The following EXOSC10 variants were observed in gnomAD, a reference collection of about 807,000 sequenced individuals.
EXOSC10 encodes the protein exosome complex component 10.
In EXOSC10, 94 loss-of-function variants were observed where a neutral mutation model predicts 126.6. The observed-to-expected ratio is 0.74, with a 90% CI of 0.63 to 0.88. The LOEUF (loss-of-function observed/expected upper bound fraction) is 0.88. Ranked by LOEUF, EXOSC10 falls within the 40% of genes least tolerant of loss-of-function variation. EXOSC10 has a pLI of 0.00. For missense variants in EXOSC10, 1,041 were observed against 1,100.5 expected (o/e 0.95, Z 0.77); for synonymous variants, 395 against 400.8 (o/e 0.99, Z 0.17).
chr1:11,071,984 A>G, intron 20 of EXOSC10, 103 bp downstream of exon 20: 1 of 907,554 alleles, frequency 1.1e-6, no homozygotes, highest in Non-Finnish European at 1.7e-6. Flanking sequence ...GGGAAGCCCC[A>G]CAGGGGCTTC....
intron 9 of EXOSC10, among the ~76,000 whole-genome samples, chr1:11,085,833 G>A (rs934799415): frequency 7.2e-5 from 11 of 151,878 alleles, no homozygotes; most frequent in African/African-American, 2.7e-4. Context: ...AGCATGAAGC[G>A]TTGTTGAATT....
At chr1:11,083,107 C>A (rs1200391170) in intron 9 of EXOSC10, among the ~76,000 whole-genome samples, 3 of 152,142 alleles carry the variant, frequency 2.0e-5, no homozygotes, top group Non-Finnish European at 2.9e-5. Context: ...GCCACCACGC[C>A]CAGCTAAACT....
chr1:11,068,129 A>G (rs539039250), intron 23 of EXOSC10, 45 bp from the exon 24 acceptor site: 1 of 1,518,182 alleles, frequency 6.6e-7, no homozygotes, highest in Admixed American at 1.7e-5. Flanking sequence ...CACCTTGACC[A>G]CAAGATACAC....
intron 9 of EXOSC10, among the ~76,000 whole-genome samples, chr1:11,087,139 C>G (rs1570835661): frequency 6.6e-6 from 1 of 152,268 alleles, no homozygotes; most frequent in East Asian, 1.9e-4. Flanking sequence ...TGTTATCAAC[C>G]AATGAGACAC....
In EXOSC10 at chr1:11,087,912, T is replaced by C. The variant is rs1640588076; in HGVS notation, c.835-2A>G. Reference sequence around the variant, plus strand: ...TGTCTCTTCTATAGGTCTGTATAACTGGATCAAGAGAATAGTAAGAAAAAG... The same window carrying C: ...TGTCTCTTCTATAGGTCTGTATAACCGGATCAAGAGAATAGTAAGAAAAAG... On this transcript the variant is annotated splice_acceptor_variant, in intron 7 of 24. Coordinates refer to ENST00000376936, the MANE Select transcript of EXOSC10 (RefSeq NM_001001998.3). LOFTEE classifies it high-confidence loss of function. 1.3e-6 allele frequency: 2 copies of C among 1,559,250 alleles called. No homozygotes were observed. Among genetic ancestry groups the C allele is most frequent in the Non-Finnish European group, 1.8e-6 (2 of 1,132,856 alleles).
chr1:11,083,848 A>T (rs1017900072), intron 9 of EXOSC10, among the ~76,000 whole-genome samples: 2 of 151,976 alleles, frequency 1.3e-5, no homozygotes, highest in Non-Finnish European at 1.5e-5. Flanking sequence ...TCATTGTTCA[A>T]TTCCCACCTA....
chr1:11,081,284 G>A, intron 10 of EXOSC10, 46 bp from the exon 11 acceptor site: 1 of 1,602,330 alleles, frequency 6.2e-7, no homozygotes, highest in Non-Finnish European at 8.5e-7. Context: ...CCCAAGGACA[G>A]CAATTCAATT....
At chr1:11,069,864 G>T in intron 21 of EXOSC10, 134 bp from the exon 22 acceptor site, 1 of 932,006 alleles carries the variant, frequency 1.1e-6, no homozygotes, top group Non-Finnish European at 1.6e-6. Flanking sequence ...GAGAGGAGCT[G>T]TGGCTGGAAC....
intron 3 of EXOSC10, among the ~76,000 whole-genome samples, chr1:11,095,045 C>G (rs12043424): frequency 6.6e-6 from 1 of 151,974 alleles, no homozygotes; most frequent in Non-Finnish European, 1.5e-5. Flanking sequence ...AACGATGTCT[C>G]TACTAAAAAT....
chr1:11,081,065 C>T lies in EXOSC10; in HGVS notation c.1437+17G>A, dbSNP rs747302584. 9 of 1,613,400 alleles carry T rather than the reference C, an allele frequency of 5.6e-6. No homozygotes were observed. In the South Asian group the frequency reaches 8.8e-5, roughly 16 times the overall value. On this transcript the variant is annotated intron_variant, in intron 11 of 24. Coordinates refer to ENST00000376936, the MANE Select transcript of EXOSC10 (RefSeq NM_001001998.3). Reference sequence around the variant, plus strand: ...AGCCCAAGTGTCGCGGTCTGTGTGACTGCGGCTGAGGTGTACCTTGAGGCA... The same window carrying T: ...AGCCCAAGTGTCGCGGTCTGTGTGATTGCGGCTGAGGTGTACCTTGAGGCA...
At position 11,069,544 on chromosome 1, in the gene EXOSC10, C is replaced by T. The variant is rs1352170869; in HGVS notation, c.2488+15G>A. On this transcript the variant is annotated intron_variant, in intron 22 of 24. Coordinates refer to ENST00000376936, the MANE Select transcript of EXOSC10 (RefSeq NM_001001998.3). The stretch of plus-strand genomic sequence containing the variant: ...CGCACAGATGTCCCTGTATGGGGCC[C>T]CATTACTTCCTCACCAGCAAAAGCC... 1 of 1,610,612 alleles carries T rather than the reference C, an allele frequency of 6.2e-7. No individual in the cohort carries two copies. Among genetic ancestry groups the T allele is most frequent in the African/African-American group, 1.3e-5 (1 of 74,420 alleles).
chr1:11,069,071 C>T (rs898536727), intron 22 of EXOSC10: 20 of 300,420 alleles, frequency 6.7e-5, no homozygotes, highest in African/African-American at 3.2e-4. Flanking sequence ...TGTGGACTGG[C>T]CTCTGCTTTC....
At chr1:11,091,690 ACT>A (rs1362702648) in intron 3 of EXOSC10, 93 bp from the exon 4 acceptor site, 2 of 930,224 alleles carry the variant, frequency 2.2e-6, no homozygotes, top group East Asian at 5.2e-5. Flanking sequence ...ATGGAGTATC[ACT>A]CTGTCACCCA....
At chr1:11,068,969 C>A in intron 22 of EXOSC10, 1 of 526,054 alleles carries the variant, frequency 1.9e-6, no homozygotes, top group Non-Finnish European at 3.4e-6. Context: ...CAGTGGCCCC[C>A]GCACATAAGG....
Position 11,098,014 on chromosome 1 carries a change from A to T in EXOSC10, c.248+6T>A. Reference sequence around the variant, plus strand: ...CTAACACAAGAAAACAAAGTACAGTACTTACCACTGAAGCAACCTGTCTCC... The same window carrying T: ...CTAACACAAGAAAACAAAGTACAGTTCTTACCACTGAAGCAACCTGTCTCC... On this transcript the variant is annotated splice_donor_region_variant and intron_variant, in intron 2 of 24. Coordinates refer to ENST00000376936, the MANE Select transcript of EXOSC10 (RefSeq NM_001001998.3). 1 of 1,603,714 alleles carries T rather than the reference A, an allele frequency of 6.2e-7. No individual in the cohort carries two copies. Among genetic ancestry groups the T allele is most frequent in the South Asian group, 1.1e-5 (1 of 88,898 alleles).
chr1:11,088,223 AATC>A, intron 6 of EXOSC10, 25 bp from the exon 7 acceptor site: 5 of 1,544,068 alleles, frequency 3.2e-6, no homozygotes, highest in Non-Finnish European at 3.6e-6. Flanking sequence ...CAAAAAGAGA[AATC>A]ATTCTGATTA....
chr1:11,083,387 C>A (rs775262043), intron 9 of EXOSC10, among the ~76,000 whole-genome samples: 7 of 151,930 alleles, frequency 4.6e-5, no homozygotes, highest in Non-Finnish European at 7.4e-5. Flanking sequence ...CATGGCAAAA[C>A]CCTGTCTCTA....
intron 20 of EXOSC10, chr1:11,071,175 C>G (rs534026308): frequency 7.5e-5 from 43 of 573,528 alleles, no homozygotes; most frequent in African/African-American, 4.9e-4. Context: ...TTCAGCTACA[C>G]GTGAGCTGAT....
chr1:11,080,728 T>G (rs757634882), intron 12 of EXOSC10, 36 bp downstream of exon 12: 1 of 1,612,988 alleles, frequency 6.2e-7, no homozygotes, highest in Non-Finnish European at 8.5e-7. Context: ...CTCCTCAGTC[T>G]GGAAACAAGT....
Sources: allele counts gnomAD v4.1 joint callset (sites outside exome capture counted in the v4.1 genomes callset), GRCh38; gene constraint gnomAD v4.1.1; transcripts MANE v1.5; gene names NCBI Gene and HGNC (gene_info 2026-07-23, HGNC 2026-07-21).